Variants in ABCB1 observed in about 807,000 individuals in gnomAD.
The protein encoded by ABCB1 is ATP-dependent translocase ABCB1.
A neutral mutation model predicts 142.0 loss-of-function variants in ABCB1; 69 were observed. The ratio of observed to expected loss-of-function variants is 0.49; its 90% CI spans 0.40 to 0.59. The LOEUF (loss-of-function observed/expected upper bound fraction) is 0.59, where lower values mean the gene tolerates loss of function less well. ABCB1 is among the 20% of genes least tolerant of loss of function. ABCB1 has a pLI of 0.00. For synonymous variants in ABCB1, 532 were observed against 539.2 expected (o/e 0.99, Z 0.18); for missense variants, 1,326 against 1,554.7 (o/e 0.85, Z 2.47).
intron 1 of ABCB1, among the ~76,000 whole-genome samples, chr7:87,607,265 A>G (rs1284179626): frequency 6.6e-6 from 1 of 152,152 alleles, no homozygotes; most frequent in African/African-American, 2.4e-5. Flanking sequence ...ATAACTAAGC[A>G]CCATATACCT....
In ABCB1 at chr7:87,641,596, C is replaced by T. The variant is rs138943410; in HGVS notation, c.-330-40518G>A. 3.7e-3 allele frequency among the ~76,000 whole-genome samples: 570 copies of T among 152,268 alleles called. 2 individuals carry two copies. The highest frequency in any genetic ancestry group is 0.013 in the African/African-American group (537 of 41,554). ...TAACTACTGTTTACCAAAAGCTGGC[C>T]GACAGCTGTGAATGTGCACTAAATG... On this transcript the variant is annotated intron_variant, in intron 1 of 28. Transcript: ENST00000265724.
At chr7:87,519,600 G>A (rs1199047809) in intron 22 of ABCB1, 134 bp from the exon 23 acceptor site, 1 of 1,004,476 alleles carries the variant, frequency 1.0e-6, no homozygotes, top group South Asian at 1.4e-5. Flanking sequence ...AACTAAGTTT[G>A]GTCCTCACTT....
chr7:87,671,412 C>G (rs1825812053), intron 1 of ABCB1, among the ~76,000 whole-genome samples: 1 of 152,106 alleles, frequency 6.6e-6, no homozygotes, highest in South Asian at 2.1e-4. Flanking sequence ...GAGACACAAG[C>G]CTGGAAGACC....
chr7:87,661,026 A>G (rs1824650716), intron 1 of ABCB1, among the ~76,000 whole-genome samples: 1 of 151,822 alleles, frequency 6.6e-6, no homozygotes, highest in African/African-American at 2.4e-5. Context: ...TTAATTGTTG[A>G]TTATCTTTTT....
chr7:87,547,252 A>T (rs1816823125), intron 14 of ABCB1, among the ~76,000 whole-genome samples: 1 of 152,370 alleles, frequency 6.6e-6, no homozygotes, highest in South Asian at 2.1e-4. Context: ...AGGAAAAATT[A>T]GGTGGTAGAA....
chr7:87,512,941 C>T (rs774401005), intron 25 of ABCB1, among the ~76,000 whole-genome samples: 1 of 152,172 alleles, frequency 6.6e-6, no homozygotes, highest in African/African-American at 2.4e-5. Flanking sequence ...TTTTATACAT[C>T]AAGGGACTAG....
chr7:87,505,966 G>C lies in ABCB1; in HGVS notation c.3567C>G (p.Ala1189=). 4 of 1,614,058 alleles carry C rather than the reference G, an allele frequency of 2.5e-6. No individual in the cohort carries two copies. The highest frequency in any genetic ancestry group is 1.3e-5 in the African/African-American group (1 of 75,004). The change falls in exon 27 of 28, where the codon GCC becomes GCG. Residue 1189 remains alanine, a synonymous_variant. Coordinates refer to ENST00000622132, the MANE Select transcript of ABCB1 (RefSeq NM_001348946.2). ...GCAAAATATGAGGCTGTCTAACAAG[G>C]GCACGAGCTATGGCAATGCGTTGTT... ...GQKQRIAIAR[A]LVRQPHILLL... is the part of the protein sequence containing the mutation.
intron 1 of ABCB1, among the ~76,000 whole-genome samples, chr7:87,686,924 C>T (rs1827521913): frequency 7.7e-6 from 1 of 129,560 alleles, no homozygotes; most frequent in South Asian, 2.5e-4. Context: ...CCAGCCTGGA[C>T]AACAGAGGGA....
intron 26 of ABCB1, among the ~76,000 whole-genome samples, chr7:87,506,909 C>A (rs1415939759): frequency 4.6e-5 from 7 of 152,182 alleles, no homozygotes; most frequent in Non-Finnish European, 7.3e-5. Flanking sequence ...GAGGTTTTGG[C>A]AGATGCTTGG....
intron 13 of ABCB1, 29 bp from the exon 14 acceptor site, chr7:87,549,547 C>T: frequency 6.2e-7 from 1 of 1,614,178 alleles, no homozygotes; most frequent in Non-Finnish European, 8.5e-7. Flanking sequence ...AATGATTTAG[C>T]ATAAGGACAA....
Position 87,503,808 on chromosome 7 carries a change from A to G in ABCB1, c.*435T>C, listed in dbSNP as rs1814592403. 4.5e-6 allele frequency: 1 copy of G among 223,842 alleles called. No homozygotes were observed. The highest frequency in any genetic ancestry group is 8.9e-6 in the Non-Finnish European group (1 of 111,788). 13.9% of individuals were successfully genotyped at this position (223,842 alleles called of 1,614,324 possible). A position where few individuals can be genotyped will look rare whatever the true frequency, so the allele number is the denominator to read the frequency against. ...TTTTTTAAAGCAGAAGTTATCTACA[A>G]TATTCCAATTGAGAGAAGATATATT... On this transcript the variant is annotated 3_prime_UTR_variant, in exon 28 of 28. Transcript: ENST00000622132.
intron 1 of ABCB1, 29 bp from the exon 2 acceptor site, chr7:87,600,219 AATGC>A (rs1433553426): frequency 6.3e-7 from 1 of 1,592,982 alleles, no homozygotes; most frequent in Non-Finnish European, 8.6e-7. Context: ...TCATTAGCCA[AATGC>A]ATGAGCCTCA....
At chr7:87,700,378 A>G (rs753622323) in intron 1 of ABCB1, 58 of 1,501,800 alleles carry the variant, frequency 3.9e-5, no homozygotes, top group Non-Finnish European at 6.3e-6. Context: ...GTCTAGTTTT[A>G]TTTTACTTTT....
Position 87,550,252 on chromosome 7 carries a change from C to T in ABCB1, c.1269G>A (p.Val423=), listed in dbSNP as rs1308299387. 6.2e-7 allele frequency: 1 copy of T among 1,614,206 alleles called. No homozygotes were observed. The highest frequency in any genetic ancestry group is 1.3e-5 in the African/African-American group (1 of 75,054). Residue 423 remains valine (V), a synonymous_variant, in exon 12 of 28, where the codon GTG becomes GTA. Transcript: ENST00000622132. ...CACAGCCACTGTTTCCAACCAGGGC[C>T]ACCGTCTGCCCACTCTGCACCTTCA... ...LNLKVQSGQT[V]ALVGNSGCGK...
chr7:87,693,431 G>A (rs1262807509), intron 1 of ABCB1, among the ~76,000 whole-genome samples: 1 of 152,116 alleles, frequency 6.6e-6, no homozygotes, highest in African/African-American at 2.4e-5. Context: ...TTTTAGAAAA[G>A]TTAACATTTA....
chr7:87,503,929 A>G lies in ABCB1; in HGVS notation c.*314T>C, dbSNP rs959230443. The G allele has an allele frequency of 2.6e-6, 1 of 389,536 alleles. No homozygotes were observed. The allele number at this position is 389,536 out of a possible 1,614,324, so 24.1% of individuals were successfully genotyped here. A position where few individuals can be genotyped will look rare whatever the true frequency, so the allele number is the denominator to read the frequency against. ...CATTTCAATACTTTTTGCTACTTCT[A>G]TAATCTTTTAGCAAGGCAGTCAGTT... On this transcript the variant is annotated 3_prime_UTR_variant, in exon 28 of 28. Transcript: ENST00000622132.
chr7:87,628,661 G>C, intron 1 of ABCB1: 1 of 406,146 alleles, frequency 2.5e-6, no homozygotes, highest in Non-Finnish European at 4.2e-6. Context: ...TCAGTCCCCG[G>C]GTGCGAGTCC....
chr7:87,595,194 A>G (rs1819146475), intron 3 of ABCB1, among the ~76,000 whole-genome samples: 1 of 152,154 alleles, frequency 6.6e-6, no homozygotes, highest in Non-Finnish European at 1.5e-5. Flanking sequence ...AATGAAATAA[A>G]GAGTTACAAT....
At position 87,600,151 on chromosome 7, in the gene ABCB1, T is replaced by G. The variant is rs779268249; in HGVS notation, c.34A>C (p.Lys12Gln). The change falls in exon 2 of 28, where the codon AAG (lysine) becomes CAG (glutamine). Residue 12 changes from lysine to glutamine, a missense_variant. Physicochemically the swap from Lys to Gln is moderately conservative, Grantham distance 53. Transcript: ENST00000622132. ...DLEGDRNGGA[K>Q]KKNFFKLNNK... is the part of the protein sequence containing the mutation. ...TTCAGTTTAAAAAAGTTCTTCTTCT[T>G]TGCTCCTCCATTGCGGTCCCCTTCA... 8.1e-6 allele frequency: 13 copies of G among 1,614,032 alleles called. No homozygotes were observed. The East Asian group carries it at 2.7e-4, about 33-fold the overall frequency.
Sources: gnomAD v4.1 joint callset for allele counts (sites outside exome capture counted in the v4.1 genomes callset) on GRCh38, gnomAD v4.1.1 for gene constraint, MANE v1.5 for transcripts, NCBI Gene and HGNC (gene_info 2026-07-23, HGNC 2026-07-21) for gene names.